The following NEK1 variants were observed in gnomAD, a reference collection of about 807,000 sequenced individuals.
NEK1 encodes serine/threonine-protein kinase Nek1.
In NEK1, 137 loss-of-function variants were observed where a neutral mutation model predicts 182.1. The observed-to-expected ratio is 0.75, with a 90% confidence interval of 0.65 to 0.87. NEK1 has a LOEUF of 0.87. NEK1 is among the 40% of genes least tolerant of loss of function. The probability of loss-of-function intolerance (pLI) is 0.00; values close to 1 mark genes in which losing one functional copy is unlikely to be tolerated. For missense variants in NEK1, 1,391 were observed against 1,494.4 expected (o/e 0.93, Z 1.14); for synonymous variants, 513 against 492.2 (o/e 1.04, Z -0.56).
intron 31 of NEK1, among the ~76,000 whole-genome samples, chr4:169,417,334 A>G (rs1469032751): frequency 6.6e-6 from 1 of 152,186 alleles, no homozygotes; most frequent in Non-Finnish European, 1.5e-5. Flanking sequence ...AAGAGTCTGA[A>G]TATTAGTTAA....
chr4:169,572,066 G>A (rs1764957331), intron 12 of NEK1, among the ~76,000 whole-genome samples: 1 of 151,848 alleles, frequency 6.6e-6, no homozygotes, highest in Admixed American at 6.6e-5. Context: ...TACTGAGTGG[G>A]ATGAAAAGAC....
chr4:169,576,146 G>A (rs1207268254), intron 12 of NEK1, among the ~76,000 whole-genome samples: 1 of 151,812 alleles, frequency 6.6e-6, no homozygotes, highest in Non-Finnish European at 1.5e-5. Flanking sequence ...TGTATTTTTA[G>A]TAGAGAAAGG....
At chr4:169,480,664 A>T (rs921838059) in intron 23 of NEK1, among the ~76,000 whole-genome samples, 11 of 152,160 alleles carry the variant, frequency 7.2e-5, no homozygotes, top group Non-Finnish European at 1.3e-4. Context: ...AATTTCTTAA[A>T]ATAAGACAAA....
At chr4:169,609,184 G>A (rs1259371959) in intron 2 of NEK1, among the ~76,000 whole-genome samples, 1 of 151,836 alleles carries the variant, frequency 6.6e-6, no homozygotes, top group Non-Finnish European at 1.5e-5. Flanking sequence ...TCATCAATTA[G>A]AATGGCAAAA....
In NEK1 at chr4:169,424,706, G is replaced by C. The variant is rs772130033; in HGVS notation, c.3069C>G (p.His1023Gln). ...PFFHKVVHSE[H>Q]LNLVPQVQSV... Reference sequence around the variant, plus strand: ...ATTGAACTTGAGGGACTAAGTTCAAGTGTTCAGAATGAACCACCTTATGGA... The same window carrying C: ...ATTGAACTTGAGGGACTAAGTTCAACTGTTCAGAATGAACCACCTTATGGA... The change falls in exon 31 of 36, where the codon CAC (histidine) becomes CAG (glutamine). Residue 1023 changes from histidine to glutamine, a missense_variant. Physicochemically the swap from His to Gln is conservative, Grantham distance 24. This residue lies in a region of NEK1 where 1,216 missense variants were observed against 1,277.6 expected (regional missense o/e 0.95). Transcript: ENST00000507142. 8.1e-6 allele frequency: 13 copies of C among 1,613,856 alleles called. No individual in the cohort carries two copies. In the East Asian group the frequency reaches 8.9e-5, roughly 11 times the overall value.
At chr4:169,492,860 G>A (rs1022644329) in intron 23 of NEK1, among the ~76,000 whole-genome samples, 13 of 152,128 alleles carry the variant, frequency 8.5e-5, no homozygotes, top group African/African-American at 3.1e-4. Flanking sequence ...GCCACCAATG[G>A]GAAACAGGAA....
chr4:169,394,870 A>C (rs930447002), intron 35 of NEK1, among the ~76,000 whole-genome samples: 1 of 152,224 alleles, frequency 6.6e-6, no homozygotes, highest in East Asian at 1.9e-4. Flanking sequence ...GGAAAGGTGG[A>C]TACATAAGTG....
At chr4:169,474,203 T>C (rs1170994527) in intron 26 of NEK1, among the ~76,000 whole-genome samples, 1 of 152,134 alleles carries the variant, frequency 6.6e-6, no homozygotes, top group Non-Finnish European at 1.5e-5. Flanking sequence ...GTGAACTAGT[T>C]AGAAGGAAAT....
intron 12 of NEK1, among the ~76,000 whole-genome samples, chr4:169,570,363 G>A (rs980125644): frequency 6.6e-6 from 1 of 151,626 alleles, no homozygotes; most frequent in African/African-American, 2.4e-5. Flanking sequence ...AGGGAGGTGG[G>A]GGTCAGCCCC....
At chr4:169,481,995 C>T (rs1748121855) in intron 23 of NEK1, among the ~76,000 whole-genome samples, 1 of 152,350 alleles carries the variant, frequency 6.6e-6, no homozygotes, top group African/African-American at 2.4e-5. Flanking sequence ...ATGATCTTAG[C>T]TATATCTCCT....
At chr4:169,499,775 G>T (rs10023872) in intron 23 of NEK1, among the ~76,000 whole-genome samples, 13,473 of 152,198 alleles carry the variant, frequency 0.089, 777 homozygotes, top group African/African-American at 0.16. Flanking sequence ...TGTCTCAGAG[G>T]AGTACCAGGC....
chr4:169,523,974 T>C (rs1270569664), intron 19 of NEK1, among the ~76,000 whole-genome samples: 1 of 152,186 alleles, frequency 6.6e-6, no homozygotes, highest in Non-Finnish European at 1.5e-5. Flanking sequence ...AAAGTAACAT[T>C]TCTCAAGGGA....
chr4:169,588,587 T>C (rs1767907176), intron 8 of NEK1, 62 bp downstream of exon 8: 1 of 946,586 alleles, frequency 1.1e-6, no homozygotes, highest in South Asian at 1.5e-5. Context: ...CAAAGGTTAA[T>C]AAACATGACA....
At chr4:169,509,389 G>T (rs1490050955) in intron 19 of NEK1, among the ~76,000 whole-genome samples, 1 of 151,848 alleles carries the variant, frequency 6.6e-6, no homozygotes, top group Non-Finnish European at 1.5e-5. Context: ...ACTCATTTTT[G>T]AACATAGTTT....
chr4:169,408,131 T>C (rs1413919497), intron 31 of NEK1, among the ~76,000 whole-genome samples: 2 of 152,362 alleles, frequency 1.3e-5, no homozygotes, highest in South Asian at 2.1e-4. Flanking sequence ...ACAGCACATA[T>C]GCATTATATA....
intron 29 of NEK1, among the ~76,000 whole-genome samples, chr4:169,430,966 AC>A (rs757518884): frequency 2.4e-4 from 37 of 152,268 alleles, no homozygotes; most frequent in Non-Finnish European, 4.7e-4. Flanking sequence ...TACAGCCAAT[AC>A]AGCAAAAGAC....
Position 169,438,201 on chromosome 4 carries a change from T to C in NEK1, c.2646A>G (p.Gln882=). The C allele has an allele frequency of 1.3e-6, 2 of 1,582,806 alleles. No homozygotes were observed. The highest frequency in any genetic ancestry group is 2.3e-5 in the South Asian group (2 of 86,938). The change falls in exon 28 of 36, where the codon CAA becomes CAG. Residue 882 remains glutamine, a synonymous_variant. Transcript: ENST00000507142. ...KPLITGEKKV[Q]CISHEINPSA... ...ATGGGTTTATTTCATGTGAAATACA[T>C]TGTACTTTTTTTTCTCCAGTAATTA...
At chr4:169,428,353 T>G (rs747308231) in intron 29 of NEK1, among the ~76,000 whole-genome samples, 4 of 139,514 alleles carry the variant, frequency 2.9e-5, no homozygotes, top group Non-Finnish European at 6.3e-5. Context: ...ATATATGGGA[T>G]ATATATATAT....
intron 2 of NEK1, among the ~76,000 whole-genome samples, chr4:169,607,429 G>A (rs1771533265): frequency 6.6e-6 from 1 of 151,960 alleles, no homozygotes; most frequent in Admixed American, 6.6e-5. Flanking sequence ...TTTAAAAGAT[G>A]GAGAATTTCA....
Sources: gnomAD v4.1 joint callset for allele counts (sites outside exome capture counted in the v4.1 genomes callset) on GRCh38, gnomAD v4.1.1 for gene constraint, gnomAD v4.1.1 regional missense constraint, MANE v1.5 for transcripts, NCBI Gene and HGNC (gene_info 2026-07-23, HGNC 2026-07-21) for gene names.